LARGE1: variants seen among roughly 807,000 people sequenced by gnomAD.
The protein encoded by LARGE1 is LARGE xylosyl- and glucuronyltransferase 1, also known as xylosyl- and glucuronyltransferase LARGE1.
Under a neutral mutation model 87.6 loss-of-function variants are expected in LARGE1, and 43 were observed. The observed-to-expected ratio is 0.49, with a 90% CI of 0.38 to 0.63. The LOEUF (loss-of-function observed/expected upper bound fraction) is 0.63. Among genes scored for constraint, LARGE1 ranks in the 30% least tolerant of loss-of-function variants. The pLI, the probability that LARGE1 is intolerant of heterozygous loss-of-function variation, is 0.00. For synonymous variants in LARGE1, 434 were observed against 394.6 expected (o/e 1.10, Z -1.18); for missense variants, 802 against 1,000.2 (o/e 0.80, Z 2.67).
intron 6 of LARGE1, among the ~76,000 whole-genome samples, chr22:33,463,646 C>G (rs1183186428): frequency 6.6e-6 from 1 of 152,076 alleles, no homozygotes; most frequent in African/African-American, 2.4e-5. Context: ...TGGTTAAGAA[C>G]AGCCAAGATT....
At chr22:33,417,148 G>A (rs1470165316) in intron 7 of LARGE1, among the ~76,000 whole-genome samples, 2 of 151,230 alleles carry the variant, frequency 1.3e-5, no homozygotes, top group African/African-American at 2.4e-5. Context: ...CTCGTGATCC[G>A]CCTGCCTCGG....
At chr22:33,809,232 A>T (rs1303556106) in intron 1 of LARGE1, among the ~76,000 whole-genome samples, 1 of 151,080 alleles carries the variant, frequency 6.6e-6, no homozygotes, top group East Asian at 2.0e-4. Flanking sequence ...AGATTGCGCC[A>T]CTGCACACCA....
At chr22:33,329,606 C>T (rs987247980) in intron 10 of LARGE1, among the ~76,000 whole-genome samples, 4 of 152,064 alleles carry the variant, frequency 2.6e-5, no homozygotes, top group Non-Finnish European at 5.9e-5. Context: ...AGTATCTTTC[C>T]TCCTCTGGAC....
At chr22:33,211,129 C>T (rs996871888) in intron 11 of LARGE1, among the ~76,000 whole-genome samples, 2 of 151,940 alleles carry the variant, frequency 1.3e-5, no homozygotes, top group Admixed American at 6.5e-5. Context: ...CAGTGATCTG[C>T]GATTTGTGAT....
chr22:33,130,847 C>A, the LARGE1 span, among the ~76,000 whole-genome samples: 1 of 151,616 alleles, frequency 6.6e-6, no homozygotes, highest in South Asian at 2.1e-4. Context: ...AGATAGAGAC[C>A]ACGGTGAAAC....
chr22:33,115,230 A>G, the LARGE1 span, among the ~76,000 whole-genome samples: 4 of 152,180 alleles, frequency 2.6e-5, no homozygotes, highest in Admixed American at 2.6e-4. Flanking sequence ...TTCCAGTTGC[A>G]GTCCTAGCAT....
intron 11 of LARGE1, among the ~76,000 whole-genome samples, chr22:33,312,438 C>CA (rs370832626): frequency 0.08 from 4,445 of 55,382 alleles, 371 homozygotes; most frequent in African/African-American, 0.21. Context: ...GACTCTGTCT[C>CA]AAAAAAAAAA....
At chr22:33,311,934 G>A (rs907485251) in intron 11 of LARGE1, among the ~76,000 whole-genome samples, 2 of 152,146 alleles carry the variant, frequency 1.3e-5, no homozygotes, top group Non-Finnish European at 2.9e-5. Context: ...CACCAGCTGA[G>A]GATTGAATGA....
At chr22:33,717,881 G>A (rs910206238) in intron 2 of LARGE1, among the ~76,000 whole-genome samples, 3 of 152,150 alleles carry the variant, frequency 2.0e-5, no homozygotes, top group Non-Finnish European at 2.9e-5. Flanking sequence ...CCAGGCCTCT[G>A]TGCCAGGCCT....
intron 10 of LARGE1, among the ~76,000 whole-genome samples, chr22:33,319,875 C>G (rs140895584): frequency 1.1e-3 from 161 of 152,294 alleles, no homozygotes; most frequent in Non-Finnish European, 2.2e-3. Context: ...CTCCAGACAG[C>G]CCTGTGATGC....
At chr22:33,355,197 A>G (rs77075438) in intron 9 of LARGE1, among the ~76,000 whole-genome samples, 4,303 of 152,210 alleles carry the variant, frequency 0.028, 196 homozygotes, top group African/African-American at 0.099. Context: ...CCCTGTGTTC[A>G]TTCGTACTAT....
intron 4 of LARGE1, among the ~76,000 whole-genome samples, chr22:33,611,831 G>A (rs563847166): frequency 2.0e-5 from 3 of 152,274 alleles, no homozygotes; most frequent in African/African-American, 7.2e-5. Context: ...GGGTTATGGG[G>A]GTGGATCCCT....
chr22:33,258,678 G>A (rs904329737), intron 11 of LARGE1, among the ~76,000 whole-genome samples: 2 of 152,092 alleles, frequency 1.3e-5, no homozygotes, highest in African/African-American at 4.8e-5. Context: ...TCCTAATTTT[G>A]TTTTAAAGAT....
Position 33,283,259 on chromosome 22 carries a change from G to A in LARGE1, c.1820C>T (p.Pro607Leu), listed in dbSNP as rs773465774. ...FETLRYRLSF[P>L]KSKAELLSML... Reference sequence around the variant, plus strand: ...TGACAGCAACTCCGCTTTTGACTTGGGGAAGGACAGCCGGTAGCGCAGTGT... The same window carrying A: ...TGACAGCAACTCCGCTTTTGACTTGAGGAAGGACAGCCGGTAGCGCAGTGT... Residue 607 changes from proline to leucine, a missense_variant, in exon 13 of 15, where the codon CCC (proline) becomes CTC (leucine). Coordinates refer to ENST00000397394, the MANE Select transcript of LARGE1 (RefSeq NM_133642.5). 6.2e-7 allele frequency: 1 copy of A among 1,614,140 alleles called. No individual in the cohort carries two copies. The highest frequency in any genetic ancestry group is 8.5e-7 in the Non-Finnish European group (1 of 1,180,030).
chr22:33,763,853 T>A (rs1193939657), intron 1 of LARGE1, among the ~76,000 whole-genome samples: 1 of 128,194 alleles, frequency 7.8e-6, no homozygotes, highest in Non-Finnish European at 1.6e-5. Context: ...TTTTTTTTTT[T>A]TTTTTTTTTT....
chr22:33,825,892 G>C (rs910345876), intron 1 of LARGE1, among the ~76,000 whole-genome samples: 1 of 151,940 alleles, frequency 6.6e-6, no homozygotes, highest in Non-Finnish European at 1.5e-5. Flanking sequence ...GTGGGAAGGC[G>C]TTATAATGGA....
intron 3 of LARGE1, 118 bp from the exon 4 acceptor site, chr22:33,626,444 C>T: frequency 1.3e-6 from 1 of 766,806 alleles, no homozygotes; most frequent in Middle Eastern, 3.3e-4. Flanking sequence ...CATTAGAAAA[C>T]AAAGGACACT....
At chr22:33,168,968 A>G (rs1326901601) in intron 11 of LARGE1, among the ~76,000 whole-genome samples, 1 of 152,236 alleles carries the variant, frequency 6.6e-6, no homozygotes, top group East Asian at 1.9e-4. Flanking sequence ...TTTCCTGTAA[A>G]CCAGCACTTG....
chr22:33,538,433 T>C (rs183553473), intron 6 of LARGE1, among the ~76,000 whole-genome samples: 190 of 152,366 alleles, frequency 1.2e-3, no homozygotes, highest in African/African-American at 4.3e-3. Context: ...ATAGTAGGCA[T>C]ATTTCCATAC....
Sources: allele counts gnomAD v4.1 joint callset (sites outside exome capture counted in the v4.1 genomes callset), GRCh38; gene constraint gnomAD v4.1.1; transcripts MANE v1.5; gene names NCBI Gene and HGNC (gene_info 2026-07-23, HGNC 2026-07-21).